The following FHIT variants were observed in gnomAD, a reference collection of about 807,000 sequenced individuals.
FHIT encodes fragile histidine triad diadenosine triphosphatase.
In FHIT, 19 loss-of-function variants were observed where a neutral mutation model predicts 17.9. That is an observed-to-expected ratio of 1.06 (90% CI 0.74 to 1.56). The LOEUF is 1.56. Ranked by LOEUF, FHIT falls within the 40% of genes most tolerant of loss-of-function variation. FHIT has a pLI of 0.00. For missense variants in FHIT, 248 were observed against 189.2 expected, an observed-to-expected ratio of 1.31 and a Z score of -1.82; for synonymous variants, 81 against 69.7, an observed-to-expected ratio of 1.16 and a Z score of -0.81.
chr3:60,071,304 T>A (rs974108725), intron 5 of FHIT, among the ~76,000 whole-genome samples: 1 of 152,208 alleles, frequency 6.6e-6, no homozygotes, highest in African/African-American at 2.4e-5. Context: ...TATGTTGAAA[T>A]CATACTATTT....
intron 7 of FHIT, among the ~76,000 whole-genome samples, chr3:59,934,800 C>T (rs899016197): frequency 3.9e-5 from 6 of 152,104 alleles, no homozygotes; most frequent in East Asian, 3.9e-4. Flanking sequence ...TGAGAACTAA[C>T]TCAGTATCAT....
chr3:60,926,212 G>T (rs1251761757), intron 3 of FHIT, among the ~76,000 whole-genome samples: 5 of 152,166 alleles, frequency 3.3e-5, no homozygotes, highest in Middle Eastern at 3.2e-3. Context: ...GGACCTAACA[G>T]ACATCTACAG....
chr3:59,913,050 A>T (rs922140572), intron 8 of FHIT, among the ~76,000 whole-genome samples: 3 of 152,220 alleles, frequency 2.0e-5, no homozygotes, highest in African/African-American at 7.2e-5. Context: ...GAGTTATAAT[A>T]AAGTACCTAG....
At chr3:61,004,409 G>C (rs924703953) in intron 3 of FHIT, among the ~76,000 whole-genome samples, 7 of 152,110 alleles carry the variant, frequency 4.6e-5, no homozygotes, top group African/African-American at 1.7e-4. Flanking sequence ...ACTGAAATTA[G>C]AATAATTTGA....
chr3:59,887,317 C>G (rs17061338), intron 8 of FHIT, among the ~76,000 whole-genome samples: 2,353 of 152,142 alleles, frequency 0.015, 62 homozygotes, highest in African/African-American at 0.054. Flanking sequence ...CATCTTTGGG[C>G]CAAAAGCCTG....
chr3:61,014,869 T>C (rs1348485454), intron 3 of FHIT, among the ~76,000 whole-genome samples: 1 of 146,656 alleles, frequency 6.8e-6, no homozygotes, highest in East Asian at 2.0e-4. Context: ...TATATATGCA[T>C]GTATATATGT....
chr3:60,318,565 T>A (rs544330108), intron 5 of FHIT, among the ~76,000 whole-genome samples: 1 of 152,296 alleles, frequency 6.6e-6, no homozygotes, highest in East Asian at 1.9e-4. Context: ...TCACAACAAG[T>A]AAACCTCATC....
chr3:59,959,180 T>G (rs1408085396), intron 7 of FHIT, among the ~76,000 whole-genome samples: 93 of 152,178 alleles, frequency 6.1e-4, no homozygotes, highest in Non-Finnish European at 5.9e-5. Flanking sequence ...GTTCTGTGTG[T>G]ATAGGGAGAG....
chr3:60,619,945 T>A (rs1392164922), intron 4 of FHIT, among the ~76,000 whole-genome samples: 2 of 146,896 alleles, frequency 1.4e-5, no homozygotes, highest in Non-Finnish European at 2.9e-5. Context: ...TCCAAAATAT[T>A]TTTTTTAAAG....
intron 8 of FHIT, among the ~76,000 whole-genome samples, chr3:59,815,583 G>A (rs796623833): frequency 4.6e-5 from 7 of 152,236 alleles, no homozygotes; most frequent in African/African-American, 7.2e-5. Context: ...AATGGCATTC[G>A]CAGCAACCTG....
chr3:61,216,543 G>C (rs1161108578), intron 1 of FHIT, among the ~76,000 whole-genome samples: 5 of 152,170 alleles, frequency 3.3e-5, no homozygotes, highest in Admixed American at 1.3e-4. Flanking sequence ...TACACTGTTG[G>C]TGGGACTGTA....
intron 5 of FHIT, among the ~76,000 whole-genome samples, chr3:60,164,638 G>C (rs1882903): frequency 0.2 from 30,098 of 151,672 alleles, 3,055 homozygotes; most frequent in South Asian, 0.32. Context: ...AGGTGAGAGA[G>C]AAGGAGAGCA....
intron 5 of FHIT, among the ~76,000 whole-genome samples, chr3:60,113,890 T>A (rs1219673201): frequency 6.8e-6 from 1 of 146,680 alleles, no homozygotes; most frequent in Non-Finnish European, 1.5e-5. Context: ...TAGTCCCAGC[T>A]ACTGGGGTGG....
intron 8 of FHIT, among the ~76,000 whole-genome samples, chr3:59,885,375 C>T (rs1324481013): frequency 6.6e-6 from 1 of 151,540 alleles, no homozygotes; most frequent in Non-Finnish European, 1.5e-5. Context: ...ATACAGTGAC[C>T]GCAGGAACAA....
intron 3 of FHIT, among the ~76,000 whole-genome samples, chr3:60,863,316 C>G (rs1372788227): frequency 6.6e-6 from 1 of 152,146 alleles, no homozygotes; most frequent in East Asian, 1.9e-4. Flanking sequence ...GGTTTTTCTG[C>G]AGTCTCCAGT....
rs1707844398 is a variant in FHIT at position 59,964,773 on chromosome 3, G to GA, written c.280-42360dup. Reference sequence around the variant, plus strand: ...ATCTTAATTCTAATGTGCATAAACAGAAAAAAGCAAGTTGTATAATTATTC... The same window carrying GA: ...ATCTTAATTCTAATGTGCATAAACAGAAAAAAAGCAAGTTGTATAATTATTC... On this transcript the variant is annotated intron_variant, in intron 7 of 9. Coordinates refer to ENST00000492590, the MANE Select transcript of FHIT (RefSeq NM_002012.4). 5.3e-5 allele frequency among the ~76,000 whole-genome samples: 8 copies of GA among 152,026 alleles called. No individual in the cohort carries two copies. The South Asian group carries it at 1.7e-3, about 32-fold the overall frequency.
Position 60,915,676 on chromosome 3 carries a change from C to G in FHIT, c.-110-93665G>C, listed in dbSNP as rs72889167. Among the ~76,000 whole-genome samples the G allele has an allele frequency of 9.8e-3, 1,495 of 152,182 alleles. 20 individuals carry two copies. Among genetic ancestry groups the G allele is most frequent in the African/African-American group, 0.033 (1,378 of 41,514 alleles). On this transcript the variant is annotated intron_variant, in intron 3 of 9. Coordinates refer to ENST00000492590, the MANE Select transcript of FHIT (RefSeq NM_002012.4). ...ACTAGAAGTGTCAGCACAATGATAT[C>G]CTCATAAAAGGTGTTCTAAAAGAAA...
intron 5 of FHIT, among the ~76,000 whole-genome samples, chr3:60,475,494 G>A (rs778338950): frequency 1.1e-4 from 16 of 152,208 alleles, no homozygotes; most frequent in Non-Finnish European, 1.8e-4. Flanking sequence ...AAGGACTGAT[G>A]AATTGGAGGT....
Position 60,979,472 on chromosome 3 carries a change from T to C in FHIT, c.-111+62575A>G, listed in dbSNP as rs138954619. On this transcript the variant is annotated intron_variant, in intron 3 of 9. Transcript: ENST00000492590. ...GGAGGAGCTACTTTATTGGGTGTAG[T>C]AGAGACAAAGAGGGAAATAGAAGAA... 7.9e-5 allele frequency among the ~76,000 whole-genome samples: 12 copies of C among 152,230 alleles called. No homozygotes were observed. The East Asian group carries it at 1.5e-3, about 20-fold the overall frequency.
Sources: allele counts gnomAD v4.1 joint callset (sites outside exome capture counted in the v4.1 genomes callset), GRCh38; gene constraint gnomAD v4.1.1; transcripts MANE v1.5; gene names NCBI Gene and HGNC (gene_info 2026-07-23, HGNC 2026-07-21).